The following TANGO6 variants were observed in gnomAD, a reference collection of about 807,000 sequenced individuals.
The protein encoded by TANGO6 is transport and golgi organization 6 homolog, also known as transport and Golgi organization protein 6 homolog.
In TANGO6, 90 loss-of-function variants were observed where a neutral mutation model predicts 114.2. The ratio of observed to expected loss-of-function variants is 0.79; its 90% confidence interval spans 0.66 to 0.94. TANGO6 has a LOEUF of 0.94. TANGO6 is among the 40% of genes least tolerant of loss of function. TANGO6 has a pLI of 0.00. For missense variants in TANGO6, 1,274 were observed against 1,315.3 expected, an observed-to-expected ratio of 0.97 and a Z score of 0.49; for synonymous variants, 477 against 509.8, an observed-to-expected ratio of 0.94 and a Z score of 0.87.
intron 1 of TANGO6, among the ~76,000 whole-genome samples, chr16:68,852,492 C>G (rs564941131): frequency 5.3e-5 from 8 of 152,034 alleles, no homozygotes; most frequent in African/African-American, 1.9e-4. Context: ...TGGCTGATGT[C>G]CATATATATT....
chr16:68,875,565 G>A (rs1013956817), intron 5 of TANGO6, among the ~76,000 whole-genome samples: 4 of 152,046 alleles, frequency 2.6e-5, no homozygotes, highest in East Asian at 1.9e-4. Flanking sequence ...TCGGGAGTTC[G>A]AGATTAGCCT....
At position 68,963,510 on chromosome 16, in the gene TANGO6, C is replaced by T. The variant is rs186394381; in HGVS notation, c.2702-10518C>T. On this transcript the variant is annotated intron_variant, in intron 14 of 17. Transcript: ENST00000261778. ...AAGTAGTTTCTTCTAGTAATTATTT[C>T]TCTGTTTATAAATAAAGTGCTTACA... Among the ~76,000 whole-genome samples, 507 of 152,320 alleles carry T rather than the reference C, an allele frequency of 3.3e-3. 4 individuals are homozygous for T. Among genetic ancestry groups the T allele is most frequent in the African/African-American group, 0.012 (480 of 41,570 alleles).
intron 15 of TANGO6, among the ~76,000 whole-genome samples, chr16:69,004,299 T>C (rs1269994047): frequency 2.6e-5 from 4 of 152,042 alleles, no homozygotes; most frequent in East Asian, 3.8e-4. Context: ...AGTCATGAGA[T>C]AGTAATACAA....
At chr16:68,995,544 C>T (rs778038378) in intron 15 of TANGO6, among the ~76,000 whole-genome samples, 8 of 152,150 alleles carry the variant, frequency 5.3e-5, no homozygotes, top group African/African-American at 1.2e-4. Context: ...GTTAGGAAAT[C>T]GGAAGTGTTC....
chr16:68,955,156 C>T lies in TANGO6; in HGVS notation c.2702-18872C>T, dbSNP rs1963517407. On this transcript the variant is annotated intron_variant, in intron 14 of 17. Coordinates refer to ENST00000261778, the MANE Select transcript of TANGO6 (RefSeq NM_024562.2). ...CTGTGAAATTATATGACAGCAGAAA[C>T]CTAACTGACAAACAGATGTTTTTCC... 2.0e-5 allele frequency among the ~76,000 whole-genome samples: 3 copies of T among 152,090 alleles called. No homozygotes were observed. The South Asian group carries it at 6.2e-4, about 32-fold the overall frequency.
At position 68,927,976 on chromosome 16, in the gene TANGO6, G is replaced by T; in HGVS notation, c.2536G>T (p.Ala846Ser). The change falls in exon 13 of 18, where the codon GCT (alanine) becomes TCT (serine). Residue 846 changes from alanine to serine, a missense_variant. Ala to Ser is a moderately conservative substitution (Grantham distance 99). Coordinates refer to ENST00000261778, the MANE Select transcript of TANGO6 (RefSeq NM_024562.2). ...ACAGCTCCAAGAGGTTCTTTTGTCA[G>T]CTTATGACCCTCAAATTCCAACACG... Reference protein sequence around the residue: ...TEQLQEVLLSAYDPQIPTRAA... With the variant: ...TEQLQEVLLSSYDPQIPTRAA... 1 of 1,613,442 alleles carries T rather than the reference G, an allele frequency of 6.2e-7. No individual in the cohort carries two copies. The highest frequency in any genetic ancestry group is 8.5e-7 in the Non-Finnish European group (1 of 1,179,662).
intron 14 of TANGO6, among the ~76,000 whole-genome samples, chr16:68,965,996 C>T (rs888985546): frequency 1.3e-5 from 2 of 151,854 alleles, no homozygotes; most frequent in African/African-American, 4.8e-5. Flanking sequence ...TTTTGGGAGG[C>T]TGGGGAGGGG....
At chr16:69,081,311 C>G (rs958510838) in intron 17 of TANGO6, among the ~76,000 whole-genome samples, 1 of 151,468 alleles carries the variant, frequency 6.6e-6, no homozygotes, top group African/African-American at 2.4e-5. Context: ...CACATGACCC[C>G]CTGTGGCCCA....
chr16:69,019,363 G>A (rs1959362363), intron 15 of TANGO6, among the ~76,000 whole-genome samples: 1 of 152,168 alleles, frequency 6.6e-6, no homozygotes, highest in South Asian at 2.1e-4. Context: ...AGTTTTGGCA[G>A]CATACGTTGA....
At chr16:69,051,949 T>TC (rs1255630083) in intron 17 of TANGO6, among the ~76,000 whole-genome samples, 1 of 148,280 alleles carries the variant, frequency 6.7e-6, no homozygotes, top group East Asian at 1.9e-4. Flanking sequence ...TCTTTTTCTT[T>TC]TTTTTTTTTT....
chr16:68,990,986 A>G (rs760520654), intron 15 of TANGO6, among the ~76,000 whole-genome samples: 1 of 152,216 alleles, frequency 6.6e-6, no homozygotes, highest in Non-Finnish European at 1.5e-5. Context: ...AGATGATGGT[A>G]GATCTCGAAC....
intron 1 of TANGO6, among the ~76,000 whole-genome samples, chr16:68,847,347 C>CCATTTCATAAT (rs1164440834): frequency 2.4e-4 from 37 of 152,184 alleles, no homozygotes; most frequent in African/African-American, 8.4e-4. Context: ...GTCTTGGGAA[C>CCATTTCATAAT]CCCCGGCAAG....
chr16:69,071,534 G>A (rs1960296872), intron 17 of TANGO6, among the ~76,000 whole-genome samples: 2 of 152,144 alleles, frequency 1.3e-5, no homozygotes, highest in African/African-American at 2.4e-5. Context: ...ACCTTGAAAT[G>A]TAAATGACCT....
chr16:68,956,411 G>C (rs1280123035), intron 14 of TANGO6, among the ~76,000 whole-genome samples: 1 of 152,174 alleles, frequency 6.6e-6, no homozygotes, highest in South Asian at 2.1e-4. Flanking sequence ...TGAAGTAGGA[G>C]TCTAACAGAA....
At chr16:69,007,269 C>CTTTTTTT (rs546825543) in intron 15 of TANGO6, 1 of 112,782 alleles carries the variant, frequency 8.9e-6, no homozygotes, top group Non-Finnish European at 1.9e-5. Flanking sequence ...TTTTTCTTTT[C>CTTTTTTT]TTTTTTTTTT....
At chr16:69,040,727 A>T in intron 17 of TANGO6, among the ~76,000 whole-genome samples, 1 of 152,088 alleles carries the variant, frequency 6.6e-6, no homozygotes, top group Admixed American at 6.6e-5. Flanking sequence ...GAACACATTC[A>T]CCCTGCCTCT....
At chr16:68,874,087 G>GC (rs1596999237) in intron 4 of TANGO6, among the ~76,000 whole-genome samples, 1 of 152,126 alleles carries the variant, frequency 6.6e-6, no homozygotes, top group Admixed American at 6.5e-5. Context: ...GGTGGTTATT[G>GC]CCCCAGGCTT....
chr16:68,891,342 C>G (rs113696049), intron 7 of TANGO6, among the ~76,000 whole-genome samples: 221 of 151,052 alleles, frequency 1.5e-3, no homozygotes, highest in Non-Finnish European at 2.3e-3. Context: ...CATCTGTAAT[C>G]CCAGCTACTC....
intron 17 of TANGO6, among the ~76,000 whole-genome samples, chr16:69,040,960 A>T (rs778595817): frequency 6.6e-6 from 1 of 152,054 alleles, no homozygotes; most frequent in Non-Finnish European, 1.5e-5. Flanking sequence ...ATATATATAT[A>T]TATAAAAAAC....
Sources: gnomAD v4.1 joint callset for allele counts (sites outside exome capture counted in the v4.1 genomes callset) on GRCh38, gnomAD v4.1.1 for gene constraint, MANE v1.5 for transcripts, NCBI Gene and HGNC (gene_info 2026-07-23, HGNC 2026-07-21) for gene names.